The following SOX5 variants were observed in gnomAD, a reference collection of about 807,000 sequenced individuals.
SOX5 encodes transcription factor SOX-5.
A neutral mutation model predicts 92.0 loss-of-function variants in SOX5; 9 were observed. That is an observed-to-expected ratio of 0.10 (90% CI 0.06 to 0.17). The LOEUF (loss-of-function observed/expected upper bound fraction) is 0.17. Ranked by LOEUF, SOX5 falls within the 10% of genes least tolerant of loss-of-function variation. The pLI is 1.00. For synonymous variants in SOX5, 344 were observed against 336.3 expected, an observed-to-expected ratio of 1.02 and a Z score of -0.25; for missense variants, 642 against 944.5, an observed-to-expected ratio of 0.68 and a Z score of 4.20.
At chr12:23,857,196 T>C (rs2096702891) in intron 2 of SOX5, among the ~76,000 whole-genome samples, 1 of 152,202 alleles carries the variant, frequency 6.6e-6, no homozygotes, top group Non-Finnish European at 1.5e-5. Flanking sequence ...GAGAGTCATT[T>C]CATGAAGGGT....
At chr12:24,083,348 CAT>C (rs1326942869) in intron 4 of SOX5, among the ~76,000 whole-genome samples, 1 of 152,010 alleles carries the variant, frequency 6.6e-6, no homozygotes, top group Admixed American at 6.6e-5. Flanking sequence ...AGATTTAAAA[CAT>C]GTACTGAGCA....
At chr12:23,868,453 T>C (rs1332389138) in intron 2 of SOX5, among the ~76,000 whole-genome samples, 3 of 152,134 alleles carry the variant, frequency 2.0e-5, no homozygotes, top group East Asian at 1.9e-4. Context: ...TAGGTACTCA[T>C]TGTCATTTCT....
intron 1 of SOX5, among the ~76,000 whole-genome samples, chr12:24,528,716 G>A (rs189414510): frequency 1.3e-5 from 2 of 152,262 alleles, no homozygotes; most frequent in East Asian, 3.9e-4. Context: ...TTATCTATGT[G>A]ACCTTGAAAA....
intron 3 of SOX5, among the ~76,000 whole-genome samples, chr12:23,786,905 G>C (rs1238945244): frequency 6.9e-6 from 1 of 145,226 alleles, no homozygotes; most frequent in East Asian, 2.0e-4. Context: ...ATTAGTTAAG[G>C]TTCCTGTTTC....
intron 1 of SOX5, among the ~76,000 whole-genome samples, chr12:24,507,085 C>T (rs946421848): frequency 6.6e-6 from 1 of 151,984 alleles, no homozygotes; most frequent in South Asian, 2.1e-4. Context: ...CCACCGCGCC[C>T]GGCCCATGGT....
At position 23,575,718 on chromosome 12, in the gene SOX5, G is replaced by A. The variant is rs756883173; in HGVS notation, c.1285C>T (p.Leu429Phe). 1.9e-6 allele frequency: 3 copies of A among 1,614,140 alleles called. No individual in the cohort carries two copies. Among genetic ancestry groups the A allele is most frequent in the Non-Finnish European group, 8.5e-7 (1 of 1,179,978 alleles). Residue 429 changes from leucine (L) to phenylalanine (F), a missense_variant, in exon 10 of 15, where the codon CTC becomes TTC. Physicochemically the swap from Leu to Phe is conservative, Grantham distance 22 (BLOSUM62 0). Transcript: ENST00000451604. ...AACGCTGCTGGGACAGAGGCTTTGA[G>A]GGGGCCTGCCCCACTGTTTATTCTC... ...ALRINSGAGP[L>F]KASVPAALAS...
chr12:23,906,834 T>A (rs2097298342), intron 1 of SOX5, among the ~76,000 whole-genome samples: 1 of 151,994 alleles, frequency 6.6e-6, no homozygotes, highest in African/African-American at 2.4e-5. Flanking sequence ...TGCTTCCGGG[T>A]TAAGGAAATA....
At chr12:23,949,790 C>G (rs1009207616), upstream of SOX5, 53 of 511,604 alleles carry the variant, frequency 1.0e-4, no homozygotes, top group Middle Eastern at 1.0e-3. Flanking sequence ...CTCTCTCTCT[C>G]TCTTTCTCCC....
chr12:23,735,031 C>T (rs1197771608), intron 5 of SOX5, among the ~76,000 whole-genome samples: 3 of 152,164 alleles, frequency 2.0e-5, no homozygotes, highest in Non-Finnish European at 4.4e-5. Flanking sequence ...TCGAACATCC[C>T]TCTTCCTAGT....
intron 4 of SOX5, among the ~76,000 whole-genome samples, chr12:24,014,891 A>C (rs1171587560): frequency 6.6e-6 from 1 of 152,018 alleles, no homozygotes; most frequent in Non-Finnish European, 1.5e-5. Context: ...TTTTTGGGAG[A>C]AGGGGATTTA....
rs574815449 is a variant in SOX5 at position 23,974,931 on chromosome 12, G to A, written c.-1-78907C>T. On this transcript the variant is annotated intron_variant, in intron 4 of 4. Transcript: ENST00000446891. ...AAAATATTCTAGATATGTTTGGGGG[G>A]AAAGTATAAAAGCAGCCTGACAAAA... Among the ~76,000 whole-genome samples the A allele has an allele frequency of 1.3e-3, 194 of 152,186 alleles. 1 individual carries two copies. The highest frequency in any genetic ancestry group is 4.4e-3 in the African/African-American group (181 of 41,526).
intron 3 of SOX5, among the ~76,000 whole-genome samples, chr12:23,841,880 T>G (rs1163678438): frequency 2.0e-5 from 3 of 152,150 alleles, no homozygotes; most frequent in Non-Finnish European, 4.4e-5. Context: ...AATATGCATT[T>G]GTCAATGCAT....
At chr12:24,217,419 T>C (rs1959257635) in intron 3 of SOX5, among the ~76,000 whole-genome samples, 1 of 152,212 alleles carries the variant, frequency 6.6e-6, no homozygotes, top group Admixed American at 6.5e-5. Flanking sequence ...CAATAAATTA[T>C]TCTGGGATAA....
chr12:23,949,416 A>C, intron 1 of SOX5, 148 bp downstream of exon 1: 1 of 969,762 alleles, frequency 1.0e-6, no homozygotes, highest in Non-Finnish European at 1.6e-6. Flanking sequence ...CAATCACAAC[A>C]AAAAATCAGC....
At position 23,674,336 on chromosome 12, in the gene SOX5, A is replaced by ATTTTTTTTTTTTTTTTT. The variant is rs34975795; in HGVS notation, c.811-8789_811-8773dup. Among the ~76,000 whole-genome samples the ATTTTTTTTTTTTTTTTT allele has an allele frequency of 8.2e-4, 80 of 97,366 alleles. 8 individuals carry two copies. Among genetic ancestry groups the ATTTTTTTTTTTTTTTTT allele is most frequent in the African/African-American group, 1.5e-3 (36 of 23,630 alleles). 63.9% of individuals were successfully genotyped at this position (97,366 alleles called of 152,430 possible). A position where few individuals can be genotyped will look rare whatever the true frequency, so the allele number is the denominator to read the frequency against. Reference sequence around the variant, plus strand: ...AAATATTTTCTTACCATAAAAAGGAATTTTTTTTTTTTTTTTTTGAGACGG... The same window carrying ATTTTTTTTTTTTTTTTT: ...AAATATTTTCTTACCATAAAAAGGAATTTTTTTTTTTTTTTTTTTTTTTTTTTTTTTTTTTGAGACGG... On this transcript the variant is annotated intron_variant, in intron 6 of 14. Coordinates refer to ENST00000451604, the MANE Select transcript of SOX5 (RefSeq NM_006940.6).
chr12:24,037,921 T>C (rs1956198201), intron 4 of SOX5, among the ~76,000 whole-genome samples: 1 of 152,082 alleles, frequency 6.6e-6, no homozygotes, highest in South Asian at 2.1e-4. Flanking sequence ...CTGATGAAGA[T>C]AGTAACCGAA....
intron 3 of SOX5, among the ~76,000 whole-genome samples, chr12:23,788,564 G>A (rs1567765208): frequency 6.6e-6 from 1 of 151,850 alleles, no homozygotes; most frequent in African/African-American, 2.4e-5. Context: ...AATGGCCTGG[G>A]AATGAAACAT....
chr12:24,425,250 C>T (rs1966586135), intron 1 of SOX5, among the ~76,000 whole-genome samples: 1 of 152,208 alleles, frequency 6.6e-6, no homozygotes, highest in Non-Finnish European at 1.5e-5. Context: ...TATGAATGAA[C>T]ACTCATTAAT....
intron 2 of SOX5, among the ~76,000 whole-genome samples, chr12:23,870,657 C>G (rs188531337): frequency 4.1e-4 from 63 of 152,202 alleles, no homozygotes; most frequent in African/African-American, 1.5e-3. Context: ...CCCATAATAA[C>G]TATTCAACCT....
Sources: gnomAD v4.1 joint callset for allele counts (sites outside exome capture counted in the v4.1 genomes callset) on GRCh38, gnomAD v4.1.1 for gene constraint, MANE v1.5 for transcripts, NCBI Gene and HGNC (gene_info 2026-07-23, HGNC 2026-07-21) for gene names.